Variants in SAXO5 observed in about 807,000 individuals in gnomAD.
SAXO5 encodes testis expressed 45.
the SAXO5 span, chr19:7,507,046 G>T: frequency 1.2e-6 from 2 of 1,612,974 alleles, no homozygotes; most frequent in Admixed American, 1.7e-5. Flanking sequence ...TCCCCAACCT[G>T]AATCTCCAGA....
At chr19:7,503,353 C>T in the SAXO5 span, among the ~76,000 whole-genome samples, 14 of 151,642 alleles carry the variant, frequency 9.2e-5, no homozygotes, top group African/African-American at 2.9e-4. Flanking sequence ...GGCCACAGAG[C>T]GAGACTCCAT....
the SAXO5 span, among the ~76,000 whole-genome samples, chr19:7,507,814 T>C: frequency 9.2e-5 from 14 of 151,930 alleles, no homozygotes; most frequent in African/African-American, 3.1e-4. Context: ...TTTGCCCACC[T>C]CTCCCCAGAG....
chr19:7,507,648 A>G, the SAXO5 span, among the ~76,000 whole-genome samples: 1 of 151,816 alleles, frequency 6.6e-6, no homozygotes, highest in South Asian at 2.1e-4. Flanking sequence ...AGGTCAGCTC[A>G]GGGGCATCTT....
chr19:7,505,715 C>T, the SAXO5 span: 1 of 1,295,680 alleles, frequency 7.7e-7, no homozygotes, highest in Non-Finnish European at 1.1e-6. Flanking sequence ...TGGGAGTGAG[C>T]TTGATATGTA....
At chr19:7,501,257 C>G in the SAXO5 span, 6 of 1,568,166 alleles carry the variant, frequency 3.8e-6, no homozygotes, top group East Asian at 9.8e-5. Flanking sequence ...GAGAGCGGAT[C>G]CGCGGCGCGC....
At chr19:7,500,791 T>G in the SAXO5 span, 4 of 1,427,336 alleles carry the variant, frequency 2.8e-6, no homozygotes, top group Non-Finnish European at 2.7e-6. Context: ...GTCCCTCATC[T>G]CCACCCTCTC....
At chr19:7,506,107 G>A in the SAXO5 span, 1 of 1,613,240 alleles carries the variant, frequency 6.2e-7, no homozygotes, top group Non-Finnish European at 8.5e-7. Context: ...AGTGGAGACA[G>A]GTGCAGAAAG....
the SAXO5 span, chr19:7,506,260 CCCCG>C: frequency 1.9e-6 from 2 of 1,058,576 alleles, no homozygotes; most frequent in Non-Finnish European, 2.6e-6. Flanking sequence ...CCCCATGGAG[CCCCG>C]CCCCCACGGA....
At chr19:7,498,398 T>TC in the SAXO5 span, among the ~76,000 whole-genome samples, 164 of 144,352 alleles carry the variant, frequency 1.1e-3, no homozygotes, top group African/African-American at 3.3e-3. Flanking sequence ...TTTTTCTTTT[T>TC]TTTTTTTTTT....
At chr19:7,503,433 T>C in the SAXO5 span, among the ~76,000 whole-genome samples, 8 of 152,120 alleles carry the variant, frequency 5.3e-5, no homozygotes, top group East Asian at 1.5e-3. Flanking sequence ...ACTTAACCTA[T>C]GTGTGGCTCA....
the SAXO5 span, chr19:7,506,269 C>A: frequency 9.8e-7 from 1 of 1,024,426 alleles, no homozygotes; most frequent in Non-Finnish European, 1.4e-6. Flanking sequence ...GCCCCGCCCC[C>A]ACGGAGCCCC....
the SAXO5 span, chr19:7,504,425 A>G: frequency 3.7e-5 from 59 of 1,604,684 alleles, no homozygotes; most frequent in Admixed American, 5.0e-4. Context: ...TAAAGGGGCC[A>G]CTGCGGGCAC....
the SAXO5 span, among the ~76,000 whole-genome samples, chr19:7,507,534 C>T: frequency 4.0e-5 from 6 of 151,896 alleles, no homozygotes; most frequent in Non-Finnish European, 7.4e-5. Flanking sequence ...GAGCCAAGAT[C>T]GCACCATTGC....
the SAXO5 span, among the ~76,000 whole-genome samples, chr19:7,504,732 G>T: frequency 6.6e-6 from 1 of 152,034 alleles, no homozygotes; most frequent in Non-Finnish European, 1.5e-5. Flanking sequence ...TGGGGGACGA[G>T]GGGGCACTGC....
At chr19:7,504,076 C>T in the SAXO5 span, 4 of 1,366,776 alleles carry the variant, frequency 2.9e-6, no homozygotes, top group Non-Finnish European at 3.1e-6. Context: ...GGCAGGGAAT[C>T]TCAATCTCTC....
At chr19:7,506,852 C>G in the SAXO5 span, 1 of 555,356 alleles carries the variant, frequency 1.8e-6, no homozygotes. Context: ...GCTCCTCCCT[C>G]TTTCCCAGCT....
chr19:7,506,220 C>G, the SAXO5 span: 2 of 1,381,272 alleles, frequency 1.4e-6, no homozygotes, highest in African/African-American at 3.0e-5. Context: ...GAAGCCCCAC[C>G]CCCGAAAGCC....
chr19:7,508,189 C>G, the SAXO5 span: 24 of 1,608,282 alleles, frequency 1.5e-5, no homozygotes, highest in African/African-American at 1.9e-4. Context: ...GCCAGGCTGT[C>G]CACCCTGTCT....
At chr19:7,500,959 A>T in the SAXO5 span, 1 of 1,567,164 alleles carries the variant, frequency 6.4e-7, no homozygotes, top group Non-Finnish European at 8.6e-7. Context: ...TCGCACCGGG[A>T]CTTTGCCTAC....
Sources: gnomAD v4.1 joint callset for allele counts (sites outside exome capture counted in the v4.1 genomes callset) on GRCh38, gnomAD v4.1.1 for gene constraint, MANE v1.5 for transcripts, NCBI Gene and HGNC (gene_info 2026-07-23, HGNC 2026-07-21) for gene names.